The following SYNDIG1 variants were observed in gnomAD, a reference collection of about 807,000 sequenced individuals.
SYNDIG1 encodes synapse differentiation inducing 1, also known as synapse differentiation-inducing gene protein 1.
A neutral mutation model predicts 19.4 loss-of-function variants in SYNDIG1; 9 were observed. That is an observed-to-expected ratio of 0.46 (90% CI 0.28 to 0.81). The LOEUF (loss-of-function observed/expected upper bound fraction) is 0.81. SYNDIG1 is among the 30% of genes least tolerant of loss of function. The pLI is 0.12. For synonymous variants in SYNDIG1, 141 were observed against 145.9 expected (o/e 0.97, Z 0.24); for missense variants, 311 against 343.3 (o/e 0.91, Z 0.74).
At chr20:24,586,527 G>A (rs2058420843) in intron 3 of SYNDIG1, among the ~76,000 whole-genome samples, 1 of 152,214 alleles carries the variant, frequency 6.6e-6, no homozygotes, top group African/African-American at 2.4e-5. Flanking sequence ...GGCAGAGCCT[G>A]CTGTGCCACA....
At chr20:24,471,353 G>A (rs1307821386) in intron 1 of SYNDIG1, among the ~76,000 whole-genome samples, 1 of 152,072 alleles carries the variant, frequency 6.6e-6, no homozygotes, top group East Asian at 1.9e-4. Flanking sequence ...AACTGAAGTC[G>A]AATTTTTAGT....
intron 1 of SYNDIG1, among the ~76,000 whole-genome samples, chr20:24,512,055 C>T (rs923993766): frequency 8.9e-5 from 13 of 145,768 alleles, no homozygotes; most frequent in Non-Finnish European, 1.5e-5. Flanking sequence ...GTACCACAAG[C>T]CTTTGCTACT....
At chr20:24,652,698 G>C (rs1793354648) in intron 3 of SYNDIG1, among the ~76,000 whole-genome samples, 2 of 149,750 alleles carry the variant, frequency 1.3e-5, no homozygotes, top group African/African-American at 4.8e-5. Context: ...CCCTGACTCT[G>C]TTGGAGGCTT....
intron 3 of SYNDIG1, among the ~76,000 whole-genome samples, chr20:24,631,830 T>G (rs1052039403): frequency 6.6e-6 from 1 of 152,154 alleles, no homozygotes; most frequent in African/African-American, 2.4e-5. Context: ...TTTCAAAGAG[T>G]TGTAATAAAA....
chr20:24,571,321 C>G (rs1324879894), intron 2 of SYNDIG1, among the ~76,000 whole-genome samples: 2 of 152,110 alleles, frequency 1.3e-5, no homozygotes, highest in Non-Finnish European at 2.9e-5. Flanking sequence ...AGTGTTATAC[C>G]AATGTCATTT....
chr20:24,512,122 T>C (rs1317409270), intron 1 of SYNDIG1, among the ~76,000 whole-genome samples: 1 of 114,020 alleles, frequency 8.8e-6, no homozygotes, highest in Non-Finnish European at 1.8e-5. Flanking sequence ...TATATATATA[T>C]ATATATATAT....
At chr20:24,520,048 T>C (rs1332328416) in intron 1 of SYNDIG1, among the ~76,000 whole-genome samples, 1 of 152,202 alleles carries the variant, frequency 6.6e-6, no homozygotes, top group Non-Finnish European at 1.5e-5. Context: ...TTTTCATTTG[T>C]TCCTATTTCT....
intron 3 of SYNDIG1, among the ~76,000 whole-genome samples, chr20:24,633,609 C>T (rs1428331313): frequency 2.0e-5 from 3 of 152,138 alleles, no homozygotes; most frequent in African/African-American, 7.2e-5. Context: ...TTCCAGTTCG[C>T]AAGGGCTGGT....
chr20:24,580,451 C>A (rs2058303364), intron 2 of SYNDIG1, among the ~76,000 whole-genome samples: 1 of 152,150 alleles, frequency 6.6e-6, no homozygotes, highest in East Asian at 1.9e-4. Flanking sequence ...CACTCTGTTG[C>A]CCCGGCTGGA....
intron 3 of SYNDIG1, among the ~76,000 whole-genome samples, chr20:24,626,101 TC>T (rs887896855): frequency 1.4e-5 from 2 of 144,986 alleles, no homozygotes; most frequent in African/African-American, 5.2e-5. Context: ...GCTCCTCACT[TC>T]CCAGTAGGGG....
At chr20:24,585,618 C>T (rs1485362738) in intron 3 of SYNDIG1, among the ~76,000 whole-genome samples, 4 of 152,322 alleles carry the variant, frequency 2.6e-5, no homozygotes, top group African/African-American at 9.6e-5. Context: ...CCTTATGCAA[C>T]CTACATTTTG....
At chr20:24,655,122 A>G (rs1600833934) in intron 3 of SYNDIG1, among the ~76,000 whole-genome samples, 1 of 152,350 alleles carries the variant, frequency 6.6e-6, no homozygotes, top group East Asian at 1.9e-4. Context: ...AAAGTGAGGC[A>G]TCAAAGAGCA....
chr20:24,623,296 A>G (rs2059067894), intron 3 of SYNDIG1, among the ~76,000 whole-genome samples: 1 of 152,260 alleles, frequency 6.6e-6, no homozygotes, highest in South Asian at 2.1e-4. Flanking sequence ...TTGCATATTC[A>G]GTAAGAATAT....
chr20:24,529,671 G>A (rs1350491297), intron 1 of SYNDIG1, among the ~76,000 whole-genome samples: 1 of 152,212 alleles, frequency 6.6e-6, no homozygotes, highest in Non-Finnish European at 1.5e-5. Context: ...TACAAACGCA[G>A]GTGTTAGATG....
chr20:24,610,218 A>C (rs1421626772), intron 3 of SYNDIG1, among the ~76,000 whole-genome samples: 1 of 152,204 alleles, frequency 6.6e-6, no homozygotes, highest in Non-Finnish European at 1.5e-5. Flanking sequence ...CTCCAAGCTC[A>C]GTTTTAAAAT....
chr20:24,476,062 TG>T (rs2055615755), intron 1 of SYNDIG1, among the ~76,000 whole-genome samples: 1 of 151,248 alleles, frequency 6.6e-6, no homozygotes, highest in African/African-American at 2.4e-5. Context: ...GGTTTCACCC[TG>T]TTGGCCAGGC....
chr20:24,484,424 C>T (rs1437802602), intron 1 of SYNDIG1, among the ~76,000 whole-genome samples: 1 of 152,128 alleles, frequency 6.6e-6, no homozygotes, highest in Non-Finnish European at 1.5e-5. Flanking sequence ...GTCAAGGCTC[C>T]GGTTTGAGTT....
At chr20:24,659,194 G>A (rs2059559988) in intron 3 of SYNDIG1, among the ~76,000 whole-genome samples, 1 of 151,646 alleles carries the variant, frequency 6.6e-6, no homozygotes, top group Non-Finnish European at 1.5e-5. Flanking sequence ...AAGAAGCACT[G>A]GACATAACTC....
chr20:24,639,654 C>T (rs55770994), intron 3 of SYNDIG1, among the ~76,000 whole-genome samples: 28,645 of 152,160 alleles, frequency 0.19, 3,612 homozygotes, highest in Admixed American at 0.35. Flanking sequence ...TTGTTGTTAA[C>T]ATTAATACAA....
Sources: allele counts gnomAD v4.1 joint callset (sites outside exome capture counted in the v4.1 genomes callset), GRCh38; gene constraint gnomAD v4.1.1; transcripts MANE v1.5; gene names NCBI Gene and HGNC (gene_info 2026-07-23, HGNC 2026-07-21).